The following CNOT4 variants were observed in gnomAD, a reference collection of about 807,000 sequenced individuals.
CNOT4 encodes CCR4-NOT transcription complex subunit 4, also known as CCR4-associated factor 4.
In CNOT4, 8 loss-of-function variants were observed where a neutral mutation model predicts 73.8. That is an observed-to-expected ratio of 0.11 (90% CI 0.06 to 0.20). The LOEUF (loss-of-function observed/expected upper bound fraction) is 0.20. Ranked by LOEUF, CNOT4 falls within the 10% of genes least tolerant of loss-of-function variation. The pLI, the probability that CNOT4 is intolerant of heterozygous loss-of-function variation, is 1.00. For synonymous variants in CNOT4, 293 were observed against 321.1 expected (o/e 0.91, Z 0.94); for missense variants, 564 against 883.4 (o/e 0.64, Z 4.58).
chr7:135,405,077 G>A (rs1431264065), intron 7 of CNOT4, among the ~76,000 whole-genome samples: 1 of 152,148 alleles, frequency 6.6e-6, no homozygotes, highest in Non-Finnish European at 1.5e-5. Flanking sequence ...GGATGAGCTT[G>A]GGCTTTAAAG....
intron 6 of CNOT4, 75 bp downstream of exon 6, chr7:135,413,411 TGC>T: frequency 3.3e-6 from 5 of 1,515,182 alleles, no homozygotes; most frequent in Non-Finnish European, 2.7e-6. Context: ...CCTTAGTTTT[TGC>T]TTTTGCAATG....
At chr7:135,446,962 C>T (rs1799873618) in intron 1 of CNOT4, among the ~76,000 whole-genome samples, 1 of 146,034 alleles carries the variant, frequency 6.8e-6, no homozygotes, top group African/African-American at 2.4e-5. Context: ...CAGGACTTCA[C>T]AATTAGTCTG....
chr7:135,430,706 A>T (rs1798776615), intron 2 of CNOT4, among the ~76,000 whole-genome samples: 1 of 152,190 alleles, frequency 6.6e-6, no homozygotes, highest in African/African-American at 2.4e-5. Flanking sequence ...AAAAAAGTAT[A>T]ACCATCTCAA....
At position 135,363,107 on chromosome 7, in the gene CNOT4, G is replaced by T; in HGVS notation, c.1920C>A (p.Ala640=). The stretch of plus-strand genomic sequence containing the variant: ...CGCTGGGGCCGTCCATCTCTGTGAG[G>T]GCCTGAAGGGATTTTAGCCAGTGTG... ...NPPHWLKSLQ[A]LTEMDGPSAA... is the part of the protein sequence containing the mutation. The change falls in exon 12 of 12, where the codon GCC becomes GCA. Residue 640 remains alanine (A), a synonymous_variant. Coordinates refer to ENST00000541284, the MANE Select transcript of CNOT4 (RefSeq NM_001190850.2). The surrounding 1 kb of genome is among the most constrained non-coding windows in gnomAD (Gnocchi z 4.3). The T allele has an allele frequency of 6.2e-7, 1 of 1,613,994 alleles. No individual in the cohort carries two copies. Among genetic ancestry groups the T allele is most frequent in the East Asian group, 2.2e-5 (1 of 44,874 alleles).
In CNOT4 at chr7:135,366,139, T is replaced by C. The variant is rs116862151; in HGVS notation, c.1628-2073A>G. Among the ~76,000 whole-genome samples, 1,159 of 152,246 alleles carry C rather than the reference T, an allele frequency of 7.6e-3. 10 individuals carry two copies. The highest frequency in any genetic ancestry group is 0.012 in the Non-Finnish European group (823 of 68,008). ...CCGAGTGGCTAATGTCCCTAAGAAGTCCATGCAAATGATCCTCCCTCTTCT... is the reference window on the plus strand; with the variant it reads ...CCGAGTGGCTAATGTCCCTAAGAAGCCCATGCAAATGATCCTCCCTCTTCT... On this transcript the variant is annotated intron_variant, in intron 10 of 11. Coordinates refer to ENST00000541284, the MANE Select transcript of CNOT4 (RefSeq NM_001190850.2).
chr7:135,456,367 C>T (rs1432665195), intron 1 of CNOT4, among the ~76,000 whole-genome samples: 1 of 152,122 alleles, frequency 6.6e-6, no homozygotes, highest in Non-Finnish European at 1.5e-5. Context: ...GAGGAAACCT[C>T]ACAACTGATC....
chr7:135,404,068 A>C (rs1228376232), intron 7 of CNOT4, among the ~76,000 whole-genome samples: 2 of 152,110 alleles, frequency 1.3e-5, no homozygotes, highest in Non-Finnish European at 2.9e-5. Flanking sequence ...TTCTTTTTTG[A>C]CCATATTCTA....
chr7:135,410,055 G>A (rs116130153), intron 7 of CNOT4, among the ~76,000 whole-genome samples: 2,380 of 152,094 alleles, frequency 0.016, 67 homozygotes, highest in African/African-American at 0.054. Flanking sequence ...TCATTTACAG[G>A]ATTTAAATGA....
At chr7:135,436,648 T>A (rs938990037) in intron 2 of CNOT4, among the ~76,000 whole-genome samples, 1 of 150,844 alleles carries the variant, frequency 6.6e-6, no homozygotes, top group Non-Finnish European at 1.5e-5. Flanking sequence ...AAATTATATA[T>A]ACACATTATA....
At position 135,382,649 on chromosome 7, in the gene CNOT4, C is replaced by T. The variant is rs142886530; in HGVS notation, c.1627+11269G>A. Among the ~76,000 whole-genome samples the T allele has an allele frequency of 1.1e-3, 163 of 150,760 alleles. 2 individuals carry two copies. The East Asian group carries it at 0.028, about 26-fold the overall frequency. On this transcript the variant is annotated intron_variant, in intron 10 of 11. Coordinates refer to ENST00000541284, the MANE Select transcript of CNOT4 (RefSeq NM_001190850.2). ...TTTTCACATTTGTGGATTCAACCAA[C>T]ATCGAATAGAAAATTTTTTTAAAAA...
At chr7:135,454,837 T>G (rs1800424580) in intron 1 of CNOT4, among the ~76,000 whole-genome samples, 2 of 152,016 alleles carry the variant, frequency 1.3e-5, no homozygotes, top group African/African-American at 2.4e-5. Flanking sequence ...TGAGCCGAGA[T>G]CATGCCACTT....
intron 10 of CNOT4, chr7:135,387,194 T>C: frequency 2.0e-6 from 2 of 983,992 alleles, no homozygotes; most frequent in Non-Finnish European, 2.4e-6. Context: ...ATTTTCCAAA[T>C]TGGCAATGTT....
chr7:135,494,196 G>A (rs1033056970), intron 1 of CNOT4, among the ~76,000 whole-genome samples: 4 of 151,994 alleles, frequency 2.6e-5, no homozygotes, highest in East Asian at 1.9e-4. Flanking sequence ...GCGGTGGGGC[G>A]CAGTGGCTCA....
intron 10 of CNOT4, among the ~76,000 whole-genome samples, chr7:135,372,143 A>C (rs1223287902): frequency 5.9e-5 from 9 of 152,254 alleles, no homozygotes; most frequent in Non-Finnish European, 8.8e-5. Context: ...ATCTGCTAGA[A>C]GAAAATAAAC....
At chr7:135,460,232 A>G (rs1800796245) in intron 1 of CNOT4, among the ~76,000 whole-genome samples, 1 of 152,164 alleles carries the variant, frequency 6.6e-6, no homozygotes, top group Admixed American at 6.5e-5. Flanking sequence ...TCATGTGTTC[A>G]CTGGAGTAGC....
At chr7:135,406,804 A>C (rs1448526510) in intron 7 of CNOT4, among the ~76,000 whole-genome samples, 1 of 152,186 alleles carries the variant, frequency 6.6e-6, no homozygotes, top group African/African-American at 2.4e-5. Context: ...TCCTGCTACC[A>C]AAACAGTTAT....
chr7:135,459,768 G>A (rs1393163178), intron 1 of CNOT4, among the ~76,000 whole-genome samples: 3 of 152,164 alleles, frequency 2.0e-5, no homozygotes, highest in Non-Finnish European at 4.4e-5. Context: ...CCTAATAAGA[G>A]TCAGCCTATC....
intron 1 of CNOT4, among the ~76,000 whole-genome samples, chr7:135,471,492 T>C (rs1801572561): frequency 6.6e-6 from 1 of 152,152 alleles, no homozygotes. Context: ...TAAGTATGCA[T>C]AAAAGAATCA....
intron 10 of CNOT4, among the ~76,000 whole-genome samples, chr7:135,377,403 G>A (rs1248872029): frequency 2.6e-5 from 4 of 152,108 alleles, no homozygotes; most frequent in Admixed American, 6.6e-5. Context: ...GCATGTGATG[G>A]GGCAGGGAAT....
Sources: allele counts gnomAD v4.1 joint callset (sites outside exome capture counted in the v4.1 genomes callset), GRCh38; gene constraint gnomAD v4.1.1; non-coding constraint Gnocchi (gnomAD v3.1); transcripts MANE v1.5; gene names NCBI Gene and HGNC (gene_info 2026-07-23, HGNC 2026-07-21).